Variants in GREB1L observed in about 807,000 individuals in gnomAD.
GREB1L encodes the protein GREB1 like retinoic acid receptor coactivator.
A neutral mutation model predicts 200.8 loss-of-function variants in GREB1L; 17 were observed. The ratio of observed to expected loss-of-function variants is 0.08; its 90% confidence interval spans 0.06 to 0.13. The LOEUF is 0.13. Ranked by LOEUF, GREB1L falls within the 10% of genes least tolerant of loss-of-function variation. The pLI, the probability that GREB1L is intolerant of heterozygous loss-of-function variation, is 1.00. For synonymous variants in GREB1L, 789 were observed against 893.0 expected, an observed-to-expected ratio of 0.88 and a Z score of 2.08; for missense variants, 1,657 against 2,367.7, an observed-to-expected ratio of 0.70 and a Z score of 6.23.
intron 21 of GREB1L, among the ~76,000 whole-genome samples, chr18:21,498,275 G>A (rs11664981): frequency 7.2e-4 from 109 of 152,216 alleles, no homozygotes; most frequent in Non-Finnish European, 1.3e-3. Context: ...GAAGAGGAGG[G>A]GTCTGTGGGG....
intron 15 of GREB1L, among the ~76,000 whole-genome samples, chr18:21,469,253 G>A (rs1384092562): frequency 6.6e-6 from 1 of 152,126 alleles, no homozygotes; most frequent in East Asian, 1.9e-4. Flanking sequence ...GTAAGGAAAA[G>A]CTGTTCCTCC....
At chr18:21,302,274 T>G (rs998491724) in intron 1 of GREB1L, among the ~76,000 whole-genome samples, 4 of 152,232 alleles carry the variant, frequency 2.6e-5, no homozygotes, top group Non-Finnish European at 5.9e-5. Flanking sequence ...AGTAGTAGTA[T>G]GCTTTTTTGG....
chr18:21,490,228 G>A lies in GREB1L; in HGVS notation c.2907G>A (p.Met969Ile). The A allele has an allele frequency of 1.3e-6, 2 of 1,551,886 alleles. No homozygotes were observed. Among genetic ancestry groups the A allele is most frequent in the Non-Finnish European group, 1.7e-6 (2 of 1,147,048 alleles). The stretch of plus-strand genomic sequence containing the variant: ...GGGTGCCCTCGGTGCAGCTGGCGAT[G>A]TTAGCCAAGGAGCGGCTACAGGAGG... ...IIRVPSVQLA[M>I]LAKERLQEVR... Residue 969 changes from methionine to isoleucine, a missense_variant, in exon 19 of 33, where the codon ATG becomes ATA. Met to Ile is a conservative substitution (Grantham distance 10). This residue lies in a region of GREB1L where 512 missense variants were observed against 668.3 expected (regional missense o/e 0.77). Transcript: ENST00000424526.
chr18:21,453,269 T>C (rs568794517), intron 14 of GREB1L, among the ~76,000 whole-genome samples: 1 of 152,336 alleles, frequency 6.6e-6, no homozygotes, highest in Admixed American at 6.5e-5. Context: ...CTATTTAAAG[T>C]TGCAGGTTTG....
chr18:21,466,242 A>G (rs568268683), intron 15 of GREB1L, among the ~76,000 whole-genome samples: 2 of 152,220 alleles, frequency 1.3e-5, no homozygotes, highest in African/African-American at 4.8e-5. Context: ...TGATTCCTTC[A>G]AACAGTGCTG....
chr18:21,436,826 T>C (rs2033578343), intron 7 of GREB1L, among the ~76,000 whole-genome samples: 1 of 151,662 alleles, frequency 6.6e-6, no homozygotes, highest in Non-Finnish European at 1.5e-5. Flanking sequence ...CCCTCCCACC[T>C]CAGCCTCCCA....
At chr18:21,249,496 A>G (rs1181808242) in intron 1 of GREB1L, among the ~76,000 whole-genome samples, 1 of 152,170 alleles carries the variant, frequency 6.6e-6, no homozygotes, top group African/African-American at 2.4e-5. Flanking sequence ...TATCTTGGCC[A>G]AGTTAAATCT....
chr18:21,375,269 G>A (rs1014100236), intron 2 of GREB1L, among the ~76,000 whole-genome samples: 1 of 151,566 alleles, frequency 6.6e-6, no homozygotes, highest in Non-Finnish European at 1.5e-5. Context: ...TCACCATCTT[G>A]GCCAGGCTGG....
intron 15 of GREB1L, among the ~76,000 whole-genome samples, chr18:21,472,747 A>G (rs2035532576): frequency 6.6e-6 from 1 of 152,246 alleles, no homozygotes; most frequent in African/African-American, 2.4e-5. Flanking sequence ...AATTTAATGA[A>G]GCAAAGGTCT....
intron 15 of GREB1L, among the ~76,000 whole-genome samples, chr18:21,469,653 T>G (rs1434010942): frequency 6.6e-6 from 1 of 152,220 alleles, no homozygotes; most frequent in Non-Finnish European, 1.5e-5. Flanking sequence ...GGAAATGATA[T>G]GTATGTATAT....
intron 7 of GREB1L, among the ~76,000 whole-genome samples, chr18:21,429,255 C>G (rs2032946376): frequency 1.8e-5 from 2 of 108,750 alleles, no homozygotes; most frequent in Non-Finnish European, 3.8e-5. Flanking sequence ...CTCCTCTCCT[C>G]TCCTGTCCTC....
chr18:21,244,674 G>T (rs1261007199), intron 1 of GREB1L, among the ~76,000 whole-genome samples: 1 of 152,192 alleles, frequency 6.6e-6, no homozygotes, highest in African/African-American at 2.4e-5. Flanking sequence ...ATGAAGAGGA[G>T]GTTAGAGATG....
chr18:21,302,534 G>A (rs1159514962), intron 1 of GREB1L, among the ~76,000 whole-genome samples: 1 of 152,152 alleles, frequency 6.6e-6, no homozygotes, highest in Non-Finnish European at 1.5e-5. Context: ...TCAGGTTACT[G>A]TTTTGTAAGG....
chr18:21,449,926 A>G, intron 12 of GREB1L, 90 bp downstream of exon 12: 1 of 985,268 alleles, frequency 1.0e-6, no homozygotes, highest in Non-Finnish European at 1.5e-6. Context: ...TCAGGCATCC[A>G]CATAATCAAC....
At chr18:21,509,057 C>G (rs1192005518) in intron 27 of GREB1L, among the ~76,000 whole-genome samples, 1 of 152,208 alleles carries the variant, frequency 6.6e-6, no homozygotes, top group Non-Finnish European at 1.5e-5. Context: ...GAGCTGGAAG[C>G]ATCGTTACTG....
At chr18:21,329,032 T>C (rs769575942) in intron 1 of GREB1L, among the ~76,000 whole-genome samples, 4 of 151,904 alleles carry the variant, frequency 2.6e-5, no homozygotes, top group African/African-American at 4.8e-5. Context: ...CTTAAAATAT[T>C]GTAATGGAGG....
intron 4 of GREB1L, among the ~76,000 whole-genome samples, chr18:21,385,167 T>C (rs921177667): frequency 6.6e-6 from 1 of 152,170 alleles, no homozygotes; most frequent in African/African-American, 2.4e-5. Flanking sequence ...GCCAGAGTAT[T>C]GTTCTTATAC....
At chr18:21,396,921 C>G (rs1381449010) in intron 5 of GREB1L, among the ~76,000 whole-genome samples, 1 of 152,036 alleles carries the variant, frequency 6.6e-6, no homozygotes, top group Non-Finnish European at 1.5e-5. Flanking sequence ...ATTTGTCTTA[C>G]TATAGATGAA....
Position 21,500,144 on chromosome 18 carries a change from GCCA to G in GREB1L, c.3809_3811del (p.Pro1270del), listed in dbSNP as rs2145940474. Reference sequence around the variant, plus strand: ...ACGTGGCCTGGGTGAGCTCCCTGCGGCCACTCCTGAACAAGGACATGAGCAGTG... The same window carrying G: ...ACGTGGCCTGGGTGAGCTCCCTGCGGCTCCTGAACAAGGACATGAGCAGTG... On this transcript the variant is annotated inframe_deletion, in exon 22 of 33. Coordinates refer to ENST00000424526, the MANE Select transcript of GREB1L (RefSeq NM_001142966.3). 6.4e-7 allele frequency: 1 copy of G among 1,551,500 alleles called. No homozygotes were observed. The highest frequency in any genetic ancestry group is 2.4e-5 in the East Asian group (1 of 40,920).
Sources: allele counts gnomAD v4.1 joint callset (sites outside exome capture counted in the v4.1 genomes callset), GRCh38; gene constraint gnomAD v4.1.1; regional missense constraint gnomAD v4.1.1; transcripts MANE v1.5; gene names NCBI Gene and HGNC (gene_info 2026-07-23, HGNC 2026-07-21).